Variants in CHD6 observed in about 807,000 individuals in gnomAD.
CHD6 encodes ATP-dependent chromatin remodeler CHD6.
Under a neutral mutation model 276.9 loss-of-function variants are expected in CHD6, and 50 were observed. The ratio of observed to expected loss-of-function variants is 0.18; its 90% CI spans 0.14 to 0.23. The LOEUF is 0.23. Ranked by LOEUF, CHD6 falls within the 10% of genes least tolerant of loss-of-function variation. The pLI is 1.00. For synonymous variants in CHD6, 1,173 were observed against 1,229.3 expected, an observed-to-expected ratio of 0.95 and a Z score of 0.96; for missense variants, 2,564 against 3,365.8, an observed-to-expected ratio of 0.76 and a Z score of 5.89.
At chr20:41,542,688 G>C (rs779189521) in intron 2 of CHD6, among the ~76,000 whole-genome samples, 7 of 151,262 alleles carry the variant, frequency 4.6e-5, no homozygotes, top group African/African-American at 1.5e-4. Context: ...GCGAGACTCC[G>C]TCTCAAAAAA....
At chr20:41,532,259 C>G (rs1378690805) in intron 3 of CHD6, among the ~76,000 whole-genome samples, 2 of 152,182 alleles carry the variant, frequency 1.3e-5, no homozygotes, top group Admixed American at 1.3e-4. Flanking sequence ...ATTTCCTAAG[C>G]ACTTGTCAAT....
At chr20:41,614,994 G>A (rs1357255471) in intron 1 of CHD6, among the ~76,000 whole-genome samples, 1 of 152,210 alleles carries the variant, frequency 6.6e-6, no homozygotes, top group Non-Finnish European at 1.5e-5. Context: ...GGATGCACGT[G>A]TAGAACTTAG....
intron 34 of CHD6, chr20:41,414,549 T>C (rs1291686438): frequency 5.6e-6 from 1 of 178,208 alleles, no homozygotes; most frequent in African/African-American, 2.4e-5. Flanking sequence ...AAATACAACA[T>C]GAAACATTAA....
intron 1 of CHD6, chr20:41,614,870 T>C (rs1282629141): frequency 6.6e-6 from 1 of 152,162 alleles, no homozygotes; most frequent in Non-Finnish European, 1.5e-5. Flanking sequence ...AACTCCTAAG[T>C]GCCCCAGGAA....
intron 5 of CHD6, among the ~76,000 whole-genome samples, chr20:41,500,162 C>A (rs372356153): frequency 6.6e-6 from 1 of 152,028 alleles, no homozygotes; most frequent in Non-Finnish European, 1.5e-5. Context: ...AGATCTATTA[C>A]AATATGAGAC....
At chr20:41,614,748 G>A (rs920238587) in intron 1 of CHD6, 3 of 152,118 alleles carry the variant, frequency 2.0e-5, no homozygotes, top group Non-Finnish European at 4.4e-5. Flanking sequence ...TTCTCATGAG[G>A]GTATCAACGC....
chr20:41,507,598 T>C (rs2044008307), intron 5 of CHD6, among the ~76,000 whole-genome samples: 1 of 152,178 alleles, frequency 6.6e-6, no homozygotes, highest in Non-Finnish European at 1.5e-5. Context: ...GTAAGTACGA[T>C]CATGTGTGTA....
chr20:41,435,448 GA>G (rs1248896920), intron 27 of CHD6, among the ~76,000 whole-genome samples: 5 of 151,606 alleles, frequency 3.3e-5, no homozygotes, highest in Admixed American at 1.3e-4. Context: ...CAGAAAAATA[GA>G]AAAAATTAGC....
intron 6 of CHD6, among the ~76,000 whole-genome samples, chr20:41,499,049 T>C (rs2043766795): frequency 6.6e-6 from 1 of 152,062 alleles, no homozygotes; most frequent in South Asian, 2.1e-4. Flanking sequence ...AACTAAGGGA[T>C]ATATGGCTTT....
intron 1 of CHD6, among the ~76,000 whole-genome samples, chr20:41,566,576 T>G (rs2045357831): frequency 6.6e-6 from 1 of 152,184 alleles, no homozygotes; most frequent in Non-Finnish European, 1.5e-5. Context: ...CATGTGCAGT[T>G]CCTTCTTATG....
intron 27 of CHD6, among the ~76,000 whole-genome samples, chr20:41,432,155 C>A (rs1380164933): frequency 9.6e-6 from 1 of 103,668 alleles, no homozygotes; most frequent in African/African-American, 6.4e-5. Context: ...AGTAAAACTC[C>A]GTCTCAAAAA....
chr20:41,498,325 A>G (rs2145896115), intron 6 of CHD6, 99 bp from the exon 7 acceptor site: 1 of 844,216 alleles, frequency 1.2e-6, no homozygotes. Context: ...CCTGATTTCC[A>G]TAAAGATTTC....
intron 1 of CHD6, among the ~76,000 whole-genome samples, chr20:41,616,479 TG>T (rs1460797464): frequency 1.1e-4 from 17 of 152,224 alleles, no homozygotes; most frequent in Non-Finnish European, 1.9e-4. Context: ...TACTATGGTC[TG>T]GTTACTATTA....
At chr20:41,472,606 T>C (rs1427409472) in intron 17 of CHD6, among the ~76,000 whole-genome samples, 2 of 152,346 alleles carry the variant, frequency 1.3e-5, no homozygotes, top group South Asian at 2.1e-4. Context: ...TAGAATCTTT[T>C]TGGCTGACTT....
intron 1 of CHD6, among the ~76,000 whole-genome samples, chr20:41,587,422 G>T (rs2045607518): frequency 6.6e-6 from 1 of 152,092 alleles, no homozygotes; most frequent in South Asian, 2.1e-4. Context: ...AGCTTATTCA[G>T]GATTTTGGAA....
At chr20:41,517,110 G>A (rs2044270908) in intron 3 of CHD6, among the ~76,000 whole-genome samples, 1 of 152,150 alleles carries the variant, frequency 6.6e-6, no homozygotes, top group African/African-American at 2.4e-5. Flanking sequence ...TATTCCCCAG[G>A]CTGGAGACGG....
chr20:41,446,738 G>T (rs2048081179), intron 24 of CHD6, among the ~76,000 whole-genome samples: 1 of 152,146 alleles, frequency 6.6e-6, no homozygotes, highest in Admixed American at 6.5e-5. Flanking sequence ...ACTTTTATGG[G>T]ATGAACTGCT....
intron 1 of CHD6, among the ~76,000 whole-genome samples, chr20:41,599,515 G>A (rs1009826877): frequency 6.6e-6 from 1 of 151,988 alleles, no homozygotes; most frequent in Admixed American, 6.6e-5. Context: ...TGTGGATCAG[G>A]GCAAAGGCTT....
At chr20:41,542,489 G>C (rs1486198770) in intron 2 of CHD6, among the ~76,000 whole-genome samples, 1 of 151,916 alleles carries the variant, frequency 6.6e-6, no homozygotes, top group South Asian at 2.1e-4. Flanking sequence ...TCAGGAGATC[G>C]AGACCATCCT....
Sources: gnomAD v4.1 joint callset for allele counts (sites outside exome capture counted in the v4.1 genomes callset) on GRCh38, gnomAD v4.1.1 for gene constraint, MANE v1.5 for transcripts, NCBI Gene and HGNC (gene_info 2026-07-23, HGNC 2026-07-21) for gene names.